Variants in ZDHHC9 observed in about 807,000 individuals in gnomAD.
The protein encoded by ZDHHC9 is zDHHC palmitoyltransferase 9.
ZDHHC9 carries 3 observed loss-of-function variants against 26.6 expected under a neutral mutation model. The observed-to-expected ratio is 0.11, with a 90% CI of 0.05 to 0.29. The LOEUF (loss-of-function observed/expected upper bound fraction) is 0.29, where lower values mean the gene tolerates loss of function less well. ZDHHC9 is among the 10% of genes least tolerant of loss of function. The probability of loss-of-function intolerance (pLI) is 1.00; values close to 1 mark genes in which losing one functional copy is unlikely to be tolerated. For missense variants in ZDHHC9, 146 were observed against 296.4 expected (o/e 0.49, Z 3.73); for synonymous variants, 111 against 109.4 (o/e 1.01, Z -0.09).
At chrX:129,810,441 T>A (rs903962738) in intron 10 of ZDHHC9, among the ~76,000 whole-genome samples, 1 of 110,401 alleles carries the variant, frequency 9.1e-6, no homozygotes, top group South Asian at 3.8e-4. Context: ...GCTGGGAGAG[T>A]TTCCACAACT....
chrX:129,841,006 A>T (rs1928367870), intron 3 of ZDHHC9, among the ~76,000 whole-genome samples: 1 of 110,483 alleles, frequency 9.1e-6, no homozygotes, highest in African/African-American at 3.3e-5. Context: ...ATCCCAAAAC[A>T]ATTAGCAATG....
chrX:129,809,597 T>C (rs1003641475), intron 10 of ZDHHC9, among the ~76,000 whole-genome samples: 5 of 111,793 alleles, frequency 4.5e-5, no homozygotes, highest in African/African-American at 6.5e-5. Context: ...TGACTGCTAA[T>C]GGCTACAGGG....
chrX:129,816,516 C>CA lies in ZDHHC9; in HGVS notation c.488-1722dup, dbSNP rs201189765. ...GAGTCGACTGCACATAAAACAAAAACAAAAAACAAACAAAAAGGAAATAGG... is the reference window on the plus strand; with the variant it reads ...GAGTCGACTGCACATAAAACAAAAACAAAAAAACAAACAAAAAGGAAATAGG... On this transcript the variant is annotated intron_variant, in intron 5 of 10. Coordinates refer to ENST00000357166, the MANE Select transcript of ZDHHC9 (RefSeq NM_016032.4). Among the ~76,000 whole-genome samples, 6 of 110,753 alleles carry CA rather than the reference C, an allele frequency of 5.4e-5. No homozygotes were observed. The East Asian group carries it at 1.4e-3, about 26-fold the overall frequency.
At chrX:129,834,013 C>G (rs1460947341) in intron 3 of ZDHHC9, among the ~76,000 whole-genome samples, 2 of 112,235 alleles carry the variant, frequency 1.8e-5, no homozygotes, top group African/African-American at 6.5e-5. Context: ...ATGTTGAAAT[C>G]TTAACATCCA....
At chrX:129,809,836 A>C (rs1229591412) in intron 10 of ZDHHC9, among the ~76,000 whole-genome samples, 2 of 109,695 alleles carry the variant, frequency 1.8e-5, no homozygotes. Context: ...CGTCTCTACT[A>C]AAAAATACAA....
rs2124117199 is a variant in ZDHHC9 at position 129,823,723 on chromosome X, C to T, written c.443G>A (p.Arg148Gln). 8.2e-7 allele frequency: 1 copy of T among 1,212,399 alleles called. No homozygotes were observed. Among genetic ancestry groups the T allele is most frequent in the Non-Finnish European group, 1.1e-6 (1 of 895,647 alleles). Residue 148 changes from arginine to glutamine, a missense_variant, in exon 5 of 11, where the codon CGG (arginine) becomes CAG (glutamine). By Grantham distance (43) the Arg-to-Gln change is conservative. This residue lies in a region of ZDHHC9 where 100 missense variants were observed against 250.0 expected (regional missense o/e 0.40). Transcript: ENST00000357166. The part of the protein sequence containing the change: ...LKYCYTCKIF[R>Q]PPRASHCSIC... ...GCTGCAATGGGAGGCCCGGGGAGGC[C>T]GGAAGATCTTGCATGTGTAACAGTA...
At chrX:129,825,190 C>A (rs1202808262) in intron 4 of ZDHHC9, among the ~76,000 whole-genome samples, 1 of 111,091 alleles carries the variant, frequency 9.0e-6, no homozygotes, top group Non-Finnish European at 1.9e-5. Flanking sequence ...GTAATCCCAG[C>A]TACTCTGGAG....
chrX:129,818,819 C>T (rs1421118259), intron 5 of ZDHHC9, among the ~76,000 whole-genome samples: 2 of 111,372 alleles, frequency 1.8e-5, no homozygotes. Flanking sequence ...CTGCACTTCC[C>T]ATATTTTCCA....
intron 3 of ZDHHC9, among the ~76,000 whole-genome samples, 175 bp from the exon 4 acceptor site, chrX:129,829,316 G>A (rs1414773316): frequency 9.0e-6 from 1 of 111,262 alleles, no homozygotes. Flanking sequence ...ACCCATAGTA[G>A]GAGCTCAACA....
At chrX:129,826,529 T>C (rs1928020155) in intron 4 of ZDHHC9, among the ~76,000 whole-genome samples, 1 of 111,853 alleles carries the variant, frequency 8.9e-6, no homozygotes, top group African/African-American at 3.3e-5. Context: ...GAGCTAACTT[T>C]GTTAACAACC....
intron 3 of ZDHHC9, 98 bp downstream of exon 3, chrX:129,841,681 A>T: frequency 9.4e-7 from 1 of 1,058,643 alleles, no homozygotes; most frequent in Non-Finnish European, 1.3e-6. Context: ...AGGACGTTAA[A>T]GTCATCCAAG....
intron 5 of ZDHHC9, among the ~76,000 whole-genome samples, chrX:129,816,367 G>A (rs1927756639): frequency 1.8e-5 from 2 of 110,551 alleles, no homozygotes; most frequent in Admixed American, 9.7e-5. Context: ...AGGATACTTA[G>A]GGACGACTGT....
At chrX:129,831,750 A>T (rs1928143948) in intron 3 of ZDHHC9, among the ~76,000 whole-genome samples, 1 of 111,789 alleles carries the variant, frequency 8.9e-6, no homozygotes, top group Non-Finnish European at 1.9e-5. Context: ...GGGAAGCCAG[A>T]TGTGGGACTA....
intron 5 of ZDHHC9, among the ~76,000 whole-genome samples, chrX:129,821,177 ATTG>A (rs1287588015): frequency 8.1e-5 from 9 of 111,615 alleles, no homozygotes; most frequent in African/African-American, 2.6e-4. Context: ...TAGGAACGCT[ATTG>A]TTGTTGGGAA....
In ZDHHC9 at chrX:129,841,941, G is replaced by C; in HGVS notation, c.5C>G (p.Ser2Cys). The C allele has an allele frequency of 8.3e-7, 1 of 1,211,449 alleles. No individual in the cohort carries two copies. The highest frequency in any genetic ancestry group is 1.1e-6 in the Non-Finnish European group (1 of 895,424). The change falls in exon 3 of 11, where the codon TCT becomes TGT. Residue 2 changes from serine (S) to cysteine (C), a missense_variant. Transcript: ENST00000357166. ...CACCTTCTTTCTCACCACCATCACA[G>C]ACATGATTGGAATTCCTGCTCCAAA... is the stretch of plus-strand genomic sequence containing the variant. M[S>C]VMVVRKKVTR...
chrX:129,811,134 C>T (rs1292735726), intron 9 of ZDHHC9, 133 bp from the exon 10 acceptor site: 4 of 538,887 alleles, frequency 7.4e-6, no homozygotes, highest in Non-Finnish European at 9.5e-6. Context: ...CAGCACATGC[C>T]TCTTATCTCC....
chrX:129,828,870 G>C (rs1928080364), intron 4 of ZDHHC9, 111 bp downstream of exon 4: 1 of 1,029,839 alleles, frequency 9.7e-7, no homozygotes, highest in Admixed American at 2.2e-5. Context: ...GGATCTCAGA[G>C]AGAAAAGGCT....
chrX:129,814,312 G>C (rs1328173810), intron 6 of ZDHHC9, among the ~76,000 whole-genome samples: 1 of 111,614 alleles, frequency 9.0e-6, no homozygotes, highest in Non-Finnish European at 1.9e-5. Context: ...TTAGCACAAG[G>C]CAAGTTTTAC....
In ZDHHC9 at chrX:129,823,782, A is replaced by G. The variant is rs141113457; in HGVS notation, c.384T>C (p.Asn128=). 5 of 1,210,835 alleles carry G rather than the reference A, an allele frequency of 4.1e-6. No individual in the cohort carries two copies. The African/African-American group carries it at 8.7e-5, about 21-fold the overall frequency. The change falls in exon 5 of 11, where the codon AAT becomes AAC. Residue 128 remains asparagine, a synonymous_variant. Coordinates refer to ENST00000357166, the MANE Select transcript of ZDHHC9 (RefSeq NM_016032.4). ...QGQRPPPRIK[N]FQINNQIVKL... ...TCACAATCTGGTTGTTTATCTGGAA[A>G]TTCTTGATACGAGGCGGTGGTCGCT...
Sources: allele counts gnomAD v4.1 joint callset (sites outside exome capture counted in the v4.1 genomes callset), GRCh38; gene constraint gnomAD v4.1.1; regional missense constraint gnomAD v4.1.1; transcripts MANE v1.5; gene names NCBI Gene and HGNC (gene_info 2026-07-23, HGNC 2026-07-21).